Variants in CERS6 observed in about 807,000 individuals in gnomAD.
The protein encoded by CERS6 is ceramide synthase 6.
A neutral mutation model predicts 56.8 loss-of-function variants in CERS6; 26 were observed. The ratio of observed to expected loss-of-function variants is 0.46; its 90% CI spans 0.34 to 0.63. The LOEUF (loss-of-function observed/expected upper bound fraction) is 0.63. Among genes scored for constraint, CERS6 ranks in the 30% least tolerant of loss-of-function variants. CERS6 has a pLI of 0.01. For missense variants in CERS6, 415 were observed against 467.5 expected, an observed-to-expected ratio of 0.89 and a Z score of 1.04; for synonymous variants, 164 against 173.3, an observed-to-expected ratio of 0.95 and a Z score of 0.42.
intron 1 of CERS6, among the ~76,000 whole-genome samples, chr2:168,477,166 G>GGAGAGAGAGA (rs1395836694): frequency 8.7e-6 from 1 of 115,430 alleles, no homozygotes; most frequent in African/African-American, 3.6e-5. Context: ...AAGGAATGAG[G>GGAGAGAGAGA]GAGAGACAGA....
At chr2:168,575,374 G>A (rs935109618) in intron 3 of CERS6, among the ~76,000 whole-genome samples, 1 of 152,086 alleles carries the variant, frequency 6.6e-6, no homozygotes, top group Non-Finnish European at 1.5e-5. Context: ...GAAGGCAAGG[G>A]AAAGCAAGGC....
chr2:168,713,610 C>T (rs965160923), intron 6 of CERS6, among the ~76,000 whole-genome samples: 5 of 152,006 alleles, frequency 3.3e-5, no homozygotes, highest in Non-Finnish European at 7.4e-5. Flanking sequence ...CCCTTGAAGC[C>T]GACCAAAATA....
At chr2:168,671,295 A>G (rs1418444966) in intron 4 of CERS6, among the ~76,000 whole-genome samples, 1 of 152,116 alleles carries the variant, frequency 6.6e-6, no homozygotes, top group Non-Finnish European at 1.5e-5. Flanking sequence ...GTAAGTGAGA[A>G]TACTTTAGGG....
intron 1 of CERS6, among the ~76,000 whole-genome samples, chr2:168,513,590 T>A (rs1694833652): frequency 6.6e-6 from 1 of 152,182 alleles, no homozygotes; most frequent in South Asian, 2.1e-4. Flanking sequence ...AGAGGTGACA[T>A]GCCATTCTCA....
At chr2:168,498,225 T>A (rs1253184021) in intron 1 of CERS6, among the ~76,000 whole-genome samples, 1 of 152,190 alleles carries the variant, frequency 6.6e-6, no homozygotes, top group Non-Finnish European at 1.5e-5. Context: ...GTGGCACTTG[T>A]TCCTTTTTAA....
intron 6 of CERS6, among the ~76,000 whole-genome samples, chr2:168,699,852 C>T (rs1451082183): frequency 1.3e-5 from 2 of 152,228 alleles, no homozygotes; most frequent in South Asian, 4.1e-4. Flanking sequence ...CACCTGTTCA[C>T]AATGAACATT....
chr2:168,693,567 C>T (rs1297522463), intron 5 of CERS6, among the ~76,000 whole-genome samples: 5 of 152,080 alleles, frequency 3.3e-5, no homozygotes, highest in South Asian at 2.1e-4. Context: ...CATTCTTCAT[C>T]GTTAATGCCT....
At chr2:168,485,715 T>C (rs1694264001) in intron 1 of CERS6, among the ~76,000 whole-genome samples, 1 of 152,220 alleles carries the variant, frequency 6.6e-6, no homozygotes, top group Admixed American at 6.5e-5. Context: ...TTCCACCTTA[T>C]AGATAAACAA....
At position 168,456,313 on chromosome 2, in the gene CERS6, G is replaced by T; in HGVS notation, c.-136G>T. 1 of 317,934 alleles carries T rather than the reference G, an allele frequency of 3.1e-6. No homozygotes were observed. Among genetic ancestry groups the T allele is most frequent in the Non-Finnish European group, 4.9e-6 (1 of 205,650 alleles). 19.7% of individuals were successfully genotyped at this position (317,934 alleles called of 1,614,324 possible). A position where few individuals can be genotyped will look rare whatever the true frequency, so the allele number is the denominator to read the frequency against. On this transcript the variant is annotated 5_prime_UTR_variant, in exon 1 of 10. It adds an upstream start codon to the 5' untranslated region. Transcript: ENST00000305747. The surrounding 1 kb of genome is among the most constrained non-coding windows in gnomAD (Gnocchi z 4.1). ...CTTCGAGAGCAGCGGCCGCGGAGGA[G>T]GCGGCGGCGGCGGGCGGGAGCAGCG... is the stretch of plus-strand genomic sequence containing the variant.
intron 1 of CERS6, among the ~76,000 whole-genome samples, chr2:168,464,278 G>A (rs141437078): frequency 1.1e-3 from 167 of 150,214 alleles, no homozygotes; most frequent in African/African-American, 3.8e-3. Context: ...TGCAACCTCT[G>A]ACTCCCAGGT....
At chr2:168,561,004 C>G (rs1695776089) in intron 2 of CERS6, among the ~76,000 whole-genome samples, 188 bp from the exon 3 acceptor site, 1 of 152,044 alleles carries the variant, frequency 6.6e-6, no homozygotes, top group Non-Finnish European at 1.5e-5. Context: ...CTTCTTTTGT[C>G]CTAGTGGTTA....
chr2:168,757,291 C>G (rs1684443319), intron 8 of CERS6, among the ~76,000 whole-genome samples: 1 of 150,728 alleles, frequency 6.6e-6, no homozygotes, highest in Non-Finnish European at 1.5e-5. Context: ...GTAAGTAGAC[C>G]AGGCAGTGGC....
At chr2:168,749,069 C>T (rs1003462595) in intron 8 of CERS6, among the ~76,000 whole-genome samples, 31 of 151,534 alleles carry the variant, frequency 2.0e-4, no homozygotes, top group African/African-American at 7.5e-4. Context: ...CAGAAGCACT[C>T]TCTCTCCTAT....
intron 4 of CERS6, among the ~76,000 whole-genome samples, chr2:168,663,080 T>A (rs1243961623): frequency 1.3e-5 from 2 of 152,116 alleles, no homozygotes; most frequent in Non-Finnish European, 2.9e-5. Context: ...CTTTAGGAGG[T>A]TTATGTTGTT....
chr2:168,553,482 A>T (rs1695614286), intron 2 of CERS6, among the ~76,000 whole-genome samples: 1 of 151,840 alleles, frequency 6.6e-6, no homozygotes, highest in South Asian at 2.1e-4. Flanking sequence ...AAAAAATCAG[A>T]TCTCTTTTTT....
At chr2:168,495,443 A>G (rs13007801) in intron 1 of CERS6, among the ~76,000 whole-genome samples, 69,590 of 152,080 alleles carry the variant, frequency 0.46, 19,040 homozygotes, top group South Asian at 0.71. Flanking sequence ...TTCTGCTTTC[A>G]GACTGTCCCT....
At chr2:168,558,601 G>A (rs537973571) in intron 2 of CERS6, among the ~76,000 whole-genome samples, 2 of 152,344 alleles carry the variant, frequency 1.3e-5, no homozygotes, top group East Asian at 3.9e-4. Flanking sequence ...TGGGCGCGGT[G>A]GCTCACGCCT....
chr2:168,669,916 T>C (rs1685866151), intron 4 of CERS6, among the ~76,000 whole-genome samples: 1 of 152,226 alleles, frequency 6.6e-6, no homozygotes, highest in South Asian at 2.1e-4. Flanking sequence ...GTCAAACATA[T>C]TGAAGAATTA....
chr2:168,568,447 C>A (rs1695921625), intron 3 of CERS6, among the ~76,000 whole-genome samples: 1 of 152,136 alleles, frequency 6.6e-6, no homozygotes, highest in African/African-American at 2.4e-5. Context: ...TCATGCAAAT[C>A]CTTATAATTG....
Sources: gnomAD v4.1 joint callset for allele counts (sites outside exome capture counted in the v4.1 genomes callset) on GRCh38, gnomAD v4.1.1 for gene constraint, Gnocchi (gnomAD v3.1) non-coding constraint, MANE v1.5 for transcripts, NCBI Gene and HGNC (gene_info 2026-07-23, HGNC 2026-07-21) for gene names.